RBPJ: variants seen among roughly 807,000 people sequenced by gnomAD.
RBPJ encodes recombination signal binding protein for immunoglobulin kappa J region, also known as recombining binding protein suppressor of hairless.
RBPJ carries 9 observed loss-of-function variants against 67.8 expected under a neutral mutation model. That is an observed-to-expected ratio of 0.13 (90% CI 0.08 to 0.23). RBPJ has a LOEUF of 0.23. RBPJ is among the 10% of genes least tolerant of loss of function. RBPJ has a pLI of 1.00. For missense variants in RBPJ, 305 were observed against 595.6 expected, an observed-to-expected ratio of 0.51 and a Z score of 5.08; for synonymous variants, 198 against 203.3, an observed-to-expected ratio of 0.97 and a Z score of 0.22.
At chr4:26,426,090 AAG>A in intron 7 of RBPJ, among the ~76,000 whole-genome samples, 1 of 152,318 alleles carries the variant, frequency 6.6e-6, no homozygotes, top group East Asian at 1.9e-4. Context: ...TTATAATAAA[AAG>A]GGTAACGTTA....
At chr4:26,124,415 CATATATATATAT>C in the RBPJ span, among the ~76,000 whole-genome samples, 12,037 of 62,118 alleles carry the variant, frequency 0.19, 1,376 homozygotes, top group Non-Finnish European at 0.24. Context: ...AGTATTCCAT[CATATATATATAT>C]ATATATATAT....
the RBPJ span, among the ~76,000 whole-genome samples, chr4:26,116,048 G>C: frequency 6.6e-5 from 10 of 152,118 alleles, no homozygotes; most frequent in Non-Finnish European, 8.8e-5. Context: ...TTAGCATTTA[G>C]TTCAAGATTC....
At chr4:26,347,072 C>G (rs1726235436) in intron 1 of RBPJ, among the ~76,000 whole-genome samples, 1 of 152,006 alleles carries the variant, frequency 6.6e-6, no homozygotes, top group Non-Finnish European at 1.5e-5. Flanking sequence ...GCCAGGGGAA[C>G]AGTGGCACCA....
intron 1 of RBPJ, among the ~76,000 whole-genome samples, chr4:26,210,723 C>CT (rs1718370558): frequency 1.2e-5 from 1 of 86,570 alleles, no homozygotes. Context: ...TTCCTTCTTT[C>CT]TTTCCTTCTT....
intron 1 of RBPJ, among the ~76,000 whole-genome samples, chr4:26,341,155 C>T (rs2109397663): frequency 6.6e-6 from 1 of 152,250 alleles, no homozygotes; most frequent in South Asian, 2.1e-4. Flanking sequence ...ATTCTGGACA[C>T]TCCAAAGTTT....
intron 2 of RBPJ, among the ~76,000 whole-genome samples, chr4:26,394,379 G>A (rs1286207283): frequency 6.6e-6 from 1 of 151,494 alleles, no homozygotes; most frequent in Non-Finnish European, 1.5e-5. Flanking sequence ...GGATGTATAT[G>A]ATAGGAATAG....
intron 1 of RBPJ, among the ~76,000 whole-genome samples, chr4:26,214,087 C>A (rs963443231): frequency 2.7e-5 from 4 of 150,130 alleles, no homozygotes; most frequent in African/African-American, 9.8e-5. Context: ...GAGCTCAAGA[C>A]CAGCCTGGGC....
chr4:26,208,324 C>T (rs904612487), intron 1 of RBPJ, among the ~76,000 whole-genome samples: 2 of 152,150 alleles, frequency 1.3e-5, no homozygotes, highest in African/African-American at 2.4e-5. Context: ...TGGATTCAAA[C>T]GCAGATCATG....
intron 1 of RBPJ, among the ~76,000 whole-genome samples, chr4:26,276,100 C>G (rs1310425622): frequency 6.6e-6 from 1 of 150,570 alleles, no homozygotes; most frequent in Non-Finnish European, 1.5e-5. Context: ...CATGGTGAAA[C>G]CGCATCTCTA....
intron 1 of RBPJ, among the ~76,000 whole-genome samples, chr4:26,385,010 C>G (rs945345160): frequency 1.2e-4 from 14 of 121,534 alleles, no homozygotes; most frequent in Admixed American, 7.9e-4. Flanking sequence ...TCCCCTCCCC[C>G]CTTTCCTTTC....
the RBPJ span, among the ~76,000 whole-genome samples, chr4:26,141,706 CTA>C: frequency 6.6e-6 from 1 of 152,196 alleles, no homozygotes; most frequent in Non-Finnish European, 1.5e-5. Context: ...TTGCTGCTAA[CTA>C]TAGTTACCCT....
intron 1 of RBPJ, among the ~76,000 whole-genome samples, chr4:26,360,510 T>C (rs147232995): frequency 7.3e-4 from 111 of 152,154 alleles, no homozygotes; most frequent in Middle Eastern, 3.4e-3. Flanking sequence ...ACAAAAGTTA[T>C]ACCCTTGGGA....
At chr4:26,109,491 T>TATATATATATAC in the RBPJ span, among the ~76,000 whole-genome samples, 1 of 41,424 alleles carries the variant, frequency 2.4e-5, no homozygotes, top group Non-Finnish European at 4.4e-5. Context: ...TATATATATA[T>TATATATATATAC]ACACACACAC....
At chr4:26,325,614 A>G (rs1274109646) in intron 1 of RBPJ, among the ~76,000 whole-genome samples, 1 of 152,250 alleles carries the variant, frequency 6.6e-6, no homozygotes, top group Non-Finnish European at 1.5e-5. Flanking sequence ...GAAAGCATTT[A>G]GCAGAATTCC....
chr4:26,430,880 C>A lies in RBPJ; in HGVS notation c.1337C>A (p.Ala446Glu). Residue 446 changes from alanine to glutamate, a missense_variant, in exon 11 of 11, where the codon GCA becomes GAA. Ala to Glu is a moderately radical substitution (Grantham distance 107). Coordinates refer to ENST00000355476, the MANE Select transcript of RBPJ (RefSeq NM_015874.6). The surrounding 1 kb of genome is among the most constrained non-coding windows in gnomAD (Gnocchi z 4.1). Reference protein sequence around the residue: ...GPRPHCSAAGAILRANSSQVP... With the variant: ...GPRPHCSAAGEILRANSSQVP... ...CGGCCACATTGCAGTGCAGCAGGAG[C>A]AATCCTTCGAGCCAATTCAAGCCAG... 1 of 1,614,002 alleles carries A rather than the reference C, an allele frequency of 6.2e-7. No individual in the cohort carries two copies. Among genetic ancestry groups the A allele is most frequent in the Non-Finnish European group, 8.5e-7 (1 of 1,179,986 alleles).
At chr4:26,218,906 T>A (rs986752367) in intron 1 of RBPJ, among the ~76,000 whole-genome samples, 1 of 152,104 alleles carries the variant, frequency 6.6e-6, no homozygotes, top group Non-Finnish European at 1.5e-5. Context: ...TGCCTCTCAG[T>A]ACCAGGCCTT....
Position 26,407,893 on chromosome 4 carries a change from T to C in RBPJ, c.155+1623T>C, listed in dbSNP as rs1004783543. ...GGTAAAGCTTTCTTTCTTTTTTTTTTTTTTTTTTTTTTTTTTTTTGAGACA... is the reference window on the plus strand; with the variant it reads ...GGTAAAGCTTTCTTTCTTTTTTTTTCTTTTTTTTTTTTTTTTTTTGAGACA... On this transcript the variant is annotated intron_variant, in intron 3 of 10. Transcript: ENST00000355476. 2.4e-3 allele frequency among the ~76,000 whole-genome samples: 306 copies of C among 129,876 alleles called. 1 individual carries two copies. Among genetic ancestry groups the C allele is most frequent in the Middle Eastern group, 7.2e-3 (2 of 276 alleles). The allele number at this position is 129,876 out of a possible 152,430, so 85.2% of individuals were successfully genotyped here.
the RBPJ span, among the ~76,000 whole-genome samples, chr4:26,109,460 CTATATATATATATATATA>C: frequency 6.8e-5 from 1 of 14,690 alleles, no homozygotes; most frequent in South Asian, 3.0e-3. Flanking sequence ...CTCTCTCTCT[CTATATATATATATATATA>C]TATATATATA....
chr4:26,342,523 T>C (rs546807622), intron 1 of RBPJ, among the ~76,000 whole-genome samples: 1 of 152,314 alleles, frequency 6.6e-6, no homozygotes, highest in South Asian at 2.1e-4. Context: ...GCATTTCCCC[T>C]CCTCATTCCT....
Sources: gnomAD v4.1 joint callset for allele counts (sites outside exome capture counted in the v4.1 genomes callset) on GRCh38, gnomAD v4.1.1 for gene constraint, Gnocchi (gnomAD v3.1) non-coding constraint, MANE v1.5 for transcripts, NCBI Gene and HGNC (gene_info 2026-07-23, HGNC 2026-07-21) for gene names.